Variants in VRTN observed in about 807,000 individuals in gnomAD.
The protein encoded by VRTN is vertnin.
VRTN carries 5 observed loss-of-function variants against 18.2 expected under a neutral mutation model. That is an observed-to-expected ratio of 0.27 (90% CI 0.14 to 0.58). The LOEUF is 0.58. Among genes scored for constraint, VRTN ranks in the 20% least tolerant of loss-of-function variants. The pLI is 0.91. For synonymous variants in VRTN, 381 were observed against 393.7 expected (o/e 0.97, Z 0.38); for missense variants, 741 against 939.4 (o/e 0.79, Z 2.76).
chr14:74,303,650 G>T (rs1365830623), intron 1 of VRTN, among the ~76,000 whole-genome samples: 1 of 152,004 alleles, frequency 6.6e-6, no homozygotes, highest in Non-Finnish European at 1.5e-5. Flanking sequence ...AGGGAGGTGG[G>T]AAATGGCTCA....
chr14:74,324,304 CT>C (rs2085473931), intron 1 of VRTN, among the ~76,000 whole-genome samples: 2 of 147,896 alleles, frequency 1.4e-5, no homozygotes, highest in Non-Finnish European at 3.0e-5. Flanking sequence ...AGGAGAATCG[CT>C]TGAACCCGGG....
chr14:74,344,979 GA>G (rs907306186), upstream of VRTN, among the ~76,000 whole-genome samples: 1 of 152,086 alleles, frequency 6.6e-6, no homozygotes, highest in African/African-American at 2.4e-5. Context: ...TGCTTCTGGA[GA>G]GAGAAACTGT....
intron 1 of VRTN, among the ~76,000 whole-genome samples, chr14:74,324,698 C>T (rs1278304547): frequency 1.3e-5 from 2 of 151,722 alleles, no homozygotes; most frequent in African/African-American, 2.4e-5. Context: ...GGCCAGCCTG[C>T]GTAACATGCC....
At chr14:74,351,361 GC>G (rs1337520434) in intron 1 of VRTN, among the ~76,000 whole-genome samples, 1 of 152,060 alleles carries the variant, frequency 6.6e-6, no homozygotes, top group Non-Finnish European at 1.5e-5. Context: ...ATTAATAAAA[GC>G]CAACTTCTAG....
In VRTN at chr14:74,332,335, G is replaced by GT. The variant is rs67857502; in HGVS notation, c.-163-5347dup. On this transcript the variant is annotated intron_variant, in intron 1 of 2. Coordinates refer to the VRTN transcript ENST00000557177. ...CCTCCGGAGGATCGACTCCTAATCT[G>GT]TTTTTTTTTTTTTTTTTTTTTTTTT... Among the ~76,000 whole-genome samples, 108 of 39,588 alleles carry GT rather than the reference G, an allele frequency of 2.7e-3. 22 individuals are homozygous for GT. Among genetic ancestry groups the GT allele is most frequent in the Non-Finnish European group, 4.6e-3 (93 of 20,018 alleles). The allele number at this position is 39,588 out of a possible 152,430, so 26.0% of individuals were successfully genotyped here. A position where few individuals can be genotyped will look rare whatever the true frequency, so the allele number is the denominator to read the frequency against.
At chr14:74,333,273 C>G (rs982882173) in intron 1 of VRTN, among the ~76,000 whole-genome samples, 3 of 151,864 alleles carry the variant, frequency 2.0e-5, no homozygotes, top group Non-Finnish European at 4.4e-5. Flanking sequence ...ATCCCAGTTA[C>G]TTAGGAGGCT....
chr14:74,357,184 G>C lies in VRTN; in HGVS notation c.401G>C (p.Arg134Pro). The C allele has an allele frequency of 6.2e-7, 1 of 1,604,772 alleles. No homozygotes were observed. ...TCCAAAGTGATGCTGCAGGCCGTGCGCTACTCCCTATGCTCTGAGGAGTCC... is the reference window on the plus strand; with the variant it reads ...TCCAAAGTGATGCTGCAGGCCGTGCCCTACTCCCTATGCTCTGAGGAGTCC... ...IDSKVMLQAV[R>P]YSLCSEESPE... Residue 134 changes from arginine to proline, a missense_variant, in exon 2 of 2, where the codon CGC becomes CCC. Around this residue, in one of 3 missense-constraint regions of VRTN, gnomAD observed 186 missense variants for 288.3 expected, o/e 0.65. Coordinates refer to ENST00000256362, the MANE Select transcript of VRTN (RefSeq NM_018228.3). This position sits in a 1 kb window ranked among gnomAD's most constrained non-coding sequence, Gnocchi z 7.8.
chr14:74,337,210 G>A (rs949278046), intron 1 of VRTN, among the ~76,000 whole-genome samples: 8 of 152,020 alleles, frequency 5.3e-5, no homozygotes, highest in South Asian at 2.1e-4. Context: ...GGGCATGGTG[G>A]CACATGCCTG....
chr14:74,319,949 C>G (rs2140195940), intron 1 of VRTN, among the ~76,000 whole-genome samples: 1 of 152,270 alleles, frequency 6.6e-6, no homozygotes, highest in African/African-American at 2.4e-5. Context: ...AATATGAGTG[C>G]TTCAAGAAGC....
chr14:74,321,862 CAG>C (rs2140197127), intron 1 of VRTN, among the ~76,000 whole-genome samples: 1 of 150,222 alleles, frequency 6.7e-6, no homozygotes, highest in Admixed American at 6.7e-5. Context: ...TATTTTGAGA[CAG>C]AGTCTTGCTC....
At chr14:74,335,495 G>A (rs940609128) in intron 1 of VRTN, among the ~76,000 whole-genome samples, 4 of 145,588 alleles carry the variant, frequency 2.7e-5, no homozygotes, top group Non-Finnish European at 6.0e-5. Flanking sequence ...TTTTGTGTAT[G>A]ATAGCCACTG....
chr14:74,331,732 T>C (rs1359974648), intron 1 of VRTN, among the ~76,000 whole-genome samples: 1 of 126,952 alleles, frequency 7.9e-6, no homozygotes, highest in Non-Finnish European at 1.5e-5. Context: ...CACTTTACGT[T>C]GTGTAAGACG....
chr14:74,332,464 C>T (rs1412913973), intron 1 of VRTN, among the ~76,000 whole-genome samples: 3 of 148,376 alleles, frequency 2.0e-5, no homozygotes, highest in Admixed American at 6.9e-5. Flanking sequence ...AAGCGATTCT[C>T]CTGCCTCAGC....
chr14:74,318,442 GTA>G (rs1173182053), intron 1 of VRTN, among the ~76,000 whole-genome samples: 1 of 152,102 alleles, frequency 6.6e-6, no homozygotes, highest in African/African-American at 2.4e-5. Context: ...GGCTATTTTT[GTA>G]TTTTTAGTGG....
chr14:74,307,160 T>TTC (rs774574033), intron 1 of VRTN, among the ~76,000 whole-genome samples: 155 of 146,412 alleles, frequency 1.1e-3, no homozygotes, highest in Middle Eastern at 3.5e-3. Flanking sequence ...TTTTTTTTTT[T>TTC]GAGATGGAGT....
At chr14:74,320,410 G>A (rs1028197768) in intron 1 of VRTN, among the ~76,000 whole-genome samples, 26 of 149,814 alleles carry the variant, frequency 1.7e-4, no homozygotes, top group African/African-American at 1.7e-4. Flanking sequence ...ACAGGCGCCC[G>A]CCGCCACCAC....
chr14:74,324,717 G>A (rs894102103), intron 1 of VRTN, among the ~76,000 whole-genome samples: 7 of 150,524 alleles, frequency 4.7e-5, no homozygotes, highest in East Asian at 2.0e-4. Flanking sequence ...CCGAGACCCC[G>A]TCTCTACCAA....
chr14:74,359,318 G>T lies in VRTN; in HGVS notation c.*426G>T, dbSNP rs143854753. On this transcript the variant is annotated 3_prime_UTR_variant, in exon 2 of 2. Coordinates refer to ENST00000256362, the MANE Select transcript of VRTN (RefSeq NM_018228.3). ...GCATGATCATCGGTCCCACTGGGCA[G>T]AACGTTATCTTCAGTTTCTTTTGGG... The T allele has an allele frequency of 1.1e-3, 191 of 173,322 alleles. 1 individual carries two copies. The highest frequency in any genetic ancestry group is 4.3e-3 in the African/African-American group (179 of 41,744). The allele number at this position is 173,322 out of a possible 1,614,324, so 10.7% of individuals were successfully genotyped here.
intron 1 of VRTN, among the ~76,000 whole-genome samples, chr14:74,317,396 T>C (rs1041195797): frequency 1.3e-5 from 2 of 152,220 alleles, no homozygotes; most frequent in African/African-American, 4.8e-5. Flanking sequence ...AGTATCTGGA[T>C]ATTTTCGGTT....
Sources: allele counts gnomAD v4.1 joint callset (sites outside exome capture counted in the v4.1 genomes callset), GRCh38; gene constraint gnomAD v4.1.1; regional missense constraint gnomAD v4.1.1; non-coding constraint Gnocchi (gnomAD v3.1); transcripts MANE v1.5; gene names NCBI Gene and HGNC (gene_info 2026-07-23, HGNC 2026-07-21).